LRRTM4: variants seen among roughly 807,000 people sequenced by gnomAD.
LRRTM4 encodes leucine-rich repeat transmembrane neuronal protein 4.
A neutral mutation model predicts 47.6 loss-of-function variants in LRRTM4; 25 were observed. The observed-to-expected ratio is 0.53, with a 90% CI of 0.38 to 0.73. The LOEUF is 0.73. Among genes scored for constraint, LRRTM4 ranks in the 30% least tolerant of loss-of-function variants. The pLI is 0.00. For synonymous variants in LRRTM4, 311 were observed against 269.5 expected, an observed-to-expected ratio of 1.15 and a Z score of -1.51; for missense variants, 638 against 713.4, an observed-to-expected ratio of 0.89 and a Z score of 1.20.
At chr2:77,081,029 T>G (rs1462523692) in intron 3 of LRRTM4, among the ~76,000 whole-genome samples, 1 of 152,204 alleles carries the variant, frequency 6.6e-6, no homozygotes, top group Non-Finnish European at 1.5e-5. Flanking sequence ...CTTGCTTTAA[T>G]TGCAATTTCT....
At chr2:77,260,230 A>G (rs549746494) in intron 3 of LRRTM4, among the ~76,000 whole-genome samples, 101 of 152,250 alleles carry the variant, frequency 6.6e-4, no homozygotes, top group African/African-American at 2.4e-3. Context: ...GAATAAACCC[A>G]TCCAAAATTT....
At chr2:77,417,776 G>T (rs908925760) in intron 3 of LRRTM4, among the ~76,000 whole-genome samples, 1 of 151,830 alleles carries the variant, frequency 6.6e-6, no homozygotes, top group Non-Finnish European at 1.5e-5. Context: ...GGGGGGAAGG[G>T]GGGAGGAATA....
In LRRTM4 at chr2:77,518,877, C is replaced by G. The variant is rs1225543550; in HGVS notation, c.992G>C (p.Gly331Ala). ...PLFYWLKNFK[G>A]NKESTMICAG... ...ACATATCATGGTGCTTTCCTTATTT[C>G]CTTTGAAATTCTTAAGCCAATAAAA... Residue 331 changes from glycine (G) to alanine (A), a missense_variant, in exon 3 of 4, where the codon GGA becomes GCA. Gly to Ala is a moderately conservative substitution (Grantham distance 60). Transcript: ENST00000409884. 7.5e-6 allele frequency: 12 copies of G among 1,605,002 alleles called. No individual in the cohort carries two copies. Among genetic ancestry groups the G allele is most frequent in the African/African-American group, 1.3e-5 (1 of 74,790 alleles).
intron 3 of LRRTM4, among the ~76,000 whole-genome samples, chr2:77,274,930 C>A (rs1200777818): frequency 6.6e-6 from 1 of 152,072 alleles, no homozygotes; most frequent in African/African-American, 2.4e-5. Context: ...ATCACATAAA[C>A]CATGGGCATC....
chr2:76,829,431 C>T (rs1671273582), intron 3 of LRRTM4, among the ~76,000 whole-genome samples: 1 of 151,904 alleles, frequency 6.6e-6, no homozygotes, highest in Admixed American at 6.6e-5. Flanking sequence ...TCTTAGCTAT[C>T]TTTATTGATC....
intron 3 of LRRTM4, among the ~76,000 whole-genome samples, chr2:77,078,499 GTTC>G (rs1680424297): frequency 6.6e-6 from 1 of 152,102 alleles, no homozygotes; most frequent in Non-Finnish European, 1.5e-5. Flanking sequence ...AGCTGAACTT[GTTC>G]TTCATTATAA....
intron 3 of LRRTM4, among the ~76,000 whole-genome samples, chr2:76,893,535 T>C (rs1412147142): frequency 1.3e-5 from 2 of 151,932 alleles, no homozygotes; most frequent in East Asian, 3.9e-4. Flanking sequence ...TAGTTCTACC[T>C]GAAAGGTTTT....
chr2:77,074,378 C>G (rs1680264081), intron 3 of LRRTM4, among the ~76,000 whole-genome samples: 1 of 152,048 alleles, frequency 6.6e-6, no homozygotes, highest in Non-Finnish European at 1.5e-5. Flanking sequence ...TGTCCACAGT[C>G]CCTTGAACAC....
rs571166129 is a variant in LRRTM4, at chr2:76,850,238, C to G, written c.1552-101322G>C. On this transcript the variant is annotated intron_variant, in intron 3 of 3. Transcript: ENST00000409884. ...TGCACTTTCATGCTATGTCTTTTTC[C>G]CTTTGTCAATTATTAACATTTTTTC... Among the ~76,000 whole-genome samples, 12 of 152,038 alleles carry G rather than the reference C, an allele frequency of 7.9e-5. No homozygotes were observed. In the South Asian group the frequency reaches 2.5e-3, roughly 32 times the overall value.
chr2:77,096,698 G>T (rs930222492), intron 3 of LRRTM4, among the ~76,000 whole-genome samples: 3 of 151,478 alleles, frequency 2.0e-5, no homozygotes, highest in African/African-American at 7.2e-5. Context: ...ATATTAGCAT[G>T]TTAATAGTAA....
intron 3 of LRRTM4, among the ~76,000 whole-genome samples, chr2:77,275,165 T>C (rs955559370): frequency 2.0e-5 from 3 of 152,158 alleles, no homozygotes; most frequent in Non-Finnish European, 2.9e-5. Flanking sequence ...AATAATCTCT[T>C]TTCTTAAAAC....
At chr2:77,446,571 C>A (rs1676061321) in intron 3 of LRRTM4, among the ~76,000 whole-genome samples, 1 of 152,028 alleles carries the variant, frequency 6.6e-6, no homozygotes, top group Non-Finnish European at 1.5e-5. Flanking sequence ...TTTGTGGGGC[C>A]TAATTTGACC....
At chr2:77,346,878 A>T (rs2104287810) in intron 3 of LRRTM4, among the ~76,000 whole-genome samples, 1 of 152,176 alleles carries the variant, frequency 6.6e-6, no homozygotes, top group East Asian at 1.9e-4. Flanking sequence ...GGGAATTAAT[A>T]TTTATATTTC....
chr2:77,413,502 G>C (rs564863513), intron 3 of LRRTM4, among the ~76,000 whole-genome samples: 6 of 152,252 alleles, frequency 3.9e-5, no homozygotes, highest in Middle Eastern at 3.4e-3. Flanking sequence ...TGTAGTATTT[G>C]CCCTATTCTG....
intron 3 of LRRTM4, among the ~76,000 whole-genome samples, chr2:77,308,755 T>A (rs1206319701): frequency 6.6e-6 from 1 of 152,114 alleles, no homozygotes; most frequent in Non-Finnish European, 1.5e-5. Context: ...ATTGTTTTGT[T>A]TTCTTTTTTG....
intron 3 of LRRTM4, among the ~76,000 whole-genome samples, chr2:76,774,765 A>C (rs926062605): frequency 6.6e-6 from 1 of 152,138 alleles, no homozygotes; most frequent in Non-Finnish European, 1.5e-5. Context: ...TTTGCTTTCT[A>C]ATTTCTCTAA....
chr2:76,841,678 AC>A (rs1340462061), intron 3 of LRRTM4, among the ~76,000 whole-genome samples: 2 of 149,506 alleles, frequency 1.3e-5, no homozygotes, highest in Admixed American at 1.3e-4. Flanking sequence ...AAAAAAAAAA[AC>A]TTTACTGTGT....
chr2:77,010,477 A>G (rs1393131464), intron 3 of LRRTM4, among the ~76,000 whole-genome samples: 1 of 148,348 alleles, frequency 6.7e-6, no homozygotes, highest in Non-Finnish European at 1.5e-5. Flanking sequence ...CTTCTTTTTT[A>G]AGGCAGAATA....
intron 3 of LRRTM4, among the ~76,000 whole-genome samples, chr2:77,444,680 G>T (rs559617908): frequency 6.6e-6 from 1 of 151,886 alleles, no homozygotes; most frequent in African/African-American, 2.4e-5. Flanking sequence ...ATTGATTTCA[G>T]CCAAACATGA....
Sources: gnomAD v4.1 joint callset for allele counts (sites outside exome capture counted in the v4.1 genomes callset) on GRCh38, gnomAD v4.1.1 for gene constraint, MANE v1.5 for transcripts, NCBI Gene and HGNC (gene_info 2026-07-23, HGNC 2026-07-21) for gene names.